Variants in COL5A1 observed in about 807,000 individuals in gnomAD.
COL5A1 encodes collagen type V alpha 1 chain.
A neutral mutation model predicts 263.7 loss-of-function variants in COL5A1; 16 were observed. That is an observed-to-expected ratio of 0.06 (90% confidence interval 0.04 to 0.09). COL5A1 has a LOEUF of 0.09. Among genes scored for constraint, COL5A1 ranks in the 10% least tolerant of loss-of-function variants. The pLI, the probability that COL5A1 is intolerant of heterozygous loss-of-function variation, is 1.00. For missense variants in COL5A1, 2,036 were observed against 2,540.5 expected (o/e 0.80, Z 4.27); for synonymous variants, 1,012 against 1,004.5 (o/e 1.01, Z -0.14).
At chr9:134,777,155 G>A (rs1289866197) in intron 27 of COL5A1, among the ~76,000 whole-genome samples, 1 of 152,234 alleles carries the variant, frequency 6.6e-6, no homozygotes, top group African/African-American at 2.4e-5. Context: ...ACCTGTTTAA[G>A]CTTGACTGTC....
At chr9:134,726,863 A>C (rs548854818) in intron 4 of COL5A1, among the ~76,000 whole-genome samples, 1 of 148,950 alleles carries the variant, frequency 6.7e-6, no homozygotes, top group South Asian at 2.1e-4. Context: ...TGGTTTATGG[A>C]TGGATGGATA....
intron 1 of COL5A1, among the ~76,000 whole-genome samples, chr9:134,654,628 GGT>G: frequency 7.8e-6 from 1 of 128,940 alleles, no homozygotes. Context: ...TAGGGCTGGG[GGT>G]GTGTAGGGCT....
chr9:134,798,609 C>T (rs45458896), intron 37 of COL5A1, 148 bp downstream of exon 37: 8,917 of 221,696 alleles, frequency 0.04, 568 homozygotes, highest in Admixed American at 0.27. Flanking sequence ...AGGGCCGGGC[C>T]GGCTTCCGCT....
chr9:134,753,759 T>TCCCCCAGCCCCC, intron 14 of COL5A1, 91 bp from the exon 15 acceptor site: 1 of 540,648 alleles, frequency 1.8e-6, no homozygotes, highest in Non-Finnish European at 3.7e-6. Context: ...CCCTGTCCCC[T>TCCCCCAGCCCCC]CCCCCTGCCC....
chr9:134,771,600 G>A (rs182457450), intron 25 of COL5A1, among the ~76,000 whole-genome samples: 12 of 152,330 alleles, frequency 7.9e-5, no homozygotes, highest in Admixed American at 2.0e-4. Flanking sequence ...AGTCACACAC[G>A]AACCATTTAA....
intron 4 of COL5A1, among the ~76,000 whole-genome samples, chr9:134,708,189 T>A (rs957704776): frequency 2.6e-5 from 4 of 152,202 alleles, no homozygotes; most frequent in Non-Finnish European, 5.9e-5. Context: ...ATGAGATGGA[T>A]GTGATGTGTG....
rs1342319144 is a variant in COL5A1, at chr9:134,794,630, A to G, written c.2701-452A>G. 6.6e-6 allele frequency among the ~76,000 whole-genome samples: 1 copy of G among 152,202 alleles called. No individual in the cohort carries two copies. Among genetic ancestry groups the G allele is most frequent in the Non-Finnish European group, 1.5e-5 (1 of 68,046 alleles). Reference sequence around the variant, plus strand: ...AGAGCCTGTTGAAAATTTAATGGCTAATATTCTTAACTGTAGCAAAAGTAA... The same window carrying G: ...AGAGCCTGTTGAAAATTTAATGGCTGATATTCTTAACTGTAGCAAAAGTAA... On this transcript the variant is annotated intron_variant, in intron 32 of 65. Coordinates refer to ENST00000371817, the MANE Select transcript of COL5A1 (RefSeq NM_000093.5). This position sits in a 1 kb window ranked among gnomAD's most constrained non-coding sequence, Gnocchi z 4.3.
chr9:134,737,737 A>G (rs1010049934), intron 9 of COL5A1, among the ~76,000 whole-genome samples: 10 of 152,058 alleles, frequency 6.6e-5, no homozygotes, highest in African/African-American at 2.4e-4. Flanking sequence ...CTGCCTTCAC[A>G]GCTGTCCACA....
chr9:134,778,746 C>T (rs1837144535), intron 27 of COL5A1, among the ~76,000 whole-genome samples: 1 of 152,242 alleles, frequency 6.6e-6, no homozygotes. Context: ...GTGAAGCAGA[C>T]ATGACTTCAG....
At chr9:134,760,113 C>G (rs1318827473) in intron 18 of COL5A1, among the ~76,000 whole-genome samples, 1 of 133,584 alleles carries the variant, frequency 7.5e-6, no homozygotes, top group Non-Finnish European at 1.6e-5. Flanking sequence ...CACACTCATA[C>G]ACGCCCACAC....
intron 11 of COL5A1, among the ~76,000 whole-genome samples, chr9:134,747,997 A>C (rs1835620004): frequency 8.2e-6 from 1 of 122,398 alleles, no homozygotes; most frequent in Admixed American, 7.7e-5. Context: ...ATTCACACAC[A>C]CATACACATG....
At chr9:134,813,442 A>G (rs1838617299) in intron 48 of COL5A1, among the ~76,000 whole-genome samples, 1 of 152,174 alleles carries the variant, frequency 6.6e-6, no homozygotes, top group South Asian at 2.1e-4. Context: ...CTCATTTTTT[A>G]TGATACAGAA....
intron 32 of COL5A1, among the ~76,000 whole-genome samples, chr9:134,793,035 G>C (rs1837773486): frequency 6.6e-6 from 1 of 152,132 alleles, no homozygotes; most frequent in African/African-American, 2.4e-5. Flanking sequence ...CCTTGACTAT[G>C]GGCCAGACGT....
intron 1 of COL5A1, among the ~76,000 whole-genome samples, chr9:134,689,976 G>A (rs1165216611): frequency 6.6e-6 from 1 of 152,198 alleles, no homozygotes; most frequent in Non-Finnish European, 1.5e-5. Flanking sequence ...TCCTGGATTC[G>A]CGCCTTGTGG....
At chr9:134,750,235 C>T (rs1339320377) in intron 11 of COL5A1, among the ~76,000 whole-genome samples, 1 of 152,190 alleles carries the variant, frequency 6.6e-6, no homozygotes, top group Non-Finnish European at 1.5e-5. Context: ...CACCTTCGGG[C>T]TCCTTGTCTC....
chr9:134,760,611 ACACACACACACC>A (rs1239674460), intron 18 of COL5A1, among the ~76,000 whole-genome samples: 6 of 110,914 alleles, frequency 5.4e-5, no homozygotes, highest in African/African-American at 2.5e-4. Flanking sequence ...CCACACATGC[ACACACACACACC>A]CACACACCCC....
At chr9:134,669,678 G>T (rs894310620) in intron 1 of COL5A1, among the ~76,000 whole-genome samples, 3 of 152,156 alleles carry the variant, frequency 2.0e-5, no homozygotes, top group Admixed American at 6.5e-5. Context: ...TCATCATGAG[G>T]TGCTGAGTGC....
Position 134,818,523 on chromosome 9 carries a change from A to G in COL5A1, c.4231-133A>G. On this transcript the variant is annotated intron_variant, in intron 54 of 65. Coordinates refer to ENST00000371817, the MANE Select transcript of COL5A1 (RefSeq NM_000093.5). The surrounding 1 kb of genome is among the most constrained non-coding windows in gnomAD (Gnocchi z 6.0). ...TTCCACAGGCAATGAAATGTGGAGA[A>G]TTAGGGCAACCCCGGATATGGGGTC... is the stretch of plus-strand genomic sequence containing the variant. The G allele has an allele frequency of 4.4e-6, 3 of 682,774 alleles. No individual in the cohort carries two copies. The highest frequency in any genetic ancestry group is 7.8e-6 in the Non-Finnish European group (3 of 382,638). 42.3% of individuals were successfully genotyped at this position (682,774 alleles called of 1,614,324 possible).
chr9:134,834,546 G>A lies in COL5A1; in HGVS notation c.5137-425G>A, dbSNP rs117987279. ...AGCCATGGGGCGGGTACCACGGCCAGTAACGAGCAAGAAGGATGCCATCCT... is the reference window on the plus strand; with the variant it reads ...AGCCATGGGGCGGGTACCACGGCCAATAACGAGCAAGAAGGATGCCATCCT... On this transcript the variant is annotated intron_variant, in intron 64 of 65. Transcript: ENST00000371817. 5.9e-5 allele frequency among the ~76,000 whole-genome samples: 9 copies of A among 152,300 alleles called. No homozygotes were observed. In the East Asian group the frequency reaches 1.7e-3, roughly 29 times the overall value.
Sources: allele counts gnomAD v4.1 joint callset (sites outside exome capture counted in the v4.1 genomes callset), GRCh38; gene constraint gnomAD v4.1.1; non-coding constraint Gnocchi (gnomAD v3.1); transcripts MANE v1.5; gene names NCBI Gene and HGNC (gene_info 2026-07-23, HGNC 2026-07-21).